LMTK3: variants seen among roughly 807,000 people sequenced by gnomAD.
LMTK3 encodes the protein lemur tail kinase 3, also known as serine/threonine-protein kinase LMTK3.
Under a neutral mutation model 116.7 loss-of-function variants are expected in LMTK3, and 27 were observed. The ratio of observed to expected loss-of-function variants is 0.23; its 90% CI spans 0.17 to 0.32. The LOEUF (loss-of-function observed/expected upper bound fraction) is 0.32. LMTK3 is among the 10% of genes least tolerant of loss of function. LMTK3 has a pLI of 1.00. For synonymous variants in LMTK3, 965 were observed against 971.0 expected (o/e 0.99, Z 0.11); for missense variants, 1,764 against 2,068.5 (o/e 0.85, Z 2.86).
intron 14 of LMTK3, among the ~76,000 whole-genome samples, chr19:48,486,310 C>T (rs1031871621): frequency 2.0e-5 from 3 of 150,938 alleles, no homozygotes; most frequent in African/African-American, 7.4e-5. Context: ...CCACCCGCCT[C>T]GGCCTCCCAA....
rs762737368 is a variant in LMTK3 at position 48,501,432 on chromosome 19, G to A, written c.880-28C>T. ...GAGGGAACCAGGGCGGTGTCAGGCG[G>A]GTCAGGGCACCCCACAGCCCCCATC... On this transcript the variant is annotated intron_variant, in intron 8 of 14. Coordinates refer to ENST00000600059, the MANE Select transcript of LMTK3 (RefSeq NM_001388485.1). 12 of 1,612,652 alleles carry A rather than the reference G, an allele frequency of 7.4e-6. No individual in the cohort carries two copies. The South Asian group carries it at 1.2e-4, about 16-fold the overall frequency.
chr19:48,505,688 C>T (rs1972555795), intron 5 of LMTK3, among the ~76,000 whole-genome samples: 1 of 151,470 alleles, frequency 6.6e-6, no homozygotes, highest in Non-Finnish European at 1.5e-5. Context: ...ATAGTGAAAC[C>T]CTGTCTTTAC....
upstream of LMTK3, among the ~76,000 whole-genome samples, chr19:48,512,927 C>T (rs192258982): frequency 6.6e-6 from 1 of 152,296 alleles, no homozygotes; most frequent in African/African-American, 2.4e-5. Flanking sequence ...CACAGACACA[C>T]AGAGTTGCAC....
At chr19:48,489,987 G>GC (rs746095883) in intron 14 of LMTK3, among the ~76,000 whole-genome samples, 7 of 150,810 alleles carry the variant, frequency 4.6e-5, no homozygotes, top group Non-Finnish European at 1.0e-4. Context: ...GCTGGGACCT[G>GC]CCCGTGTGCC....
In LMTK3 at chr19:48,499,613, G is replaced by A. The variant is rs1849907876; in HGVS notation, c.1456C>T (p.Arg486Cys). The change falls in exon 11 of 15, where the codon CGT (arginine) becomes TGT (cysteine). Residue 486 changes from arginine to cysteine, a missense_variant. By Grantham distance (180) the Arg-to-Cys change is radical. This residue lies in a region of LMTK3 where 1,028 missense variants were observed against 1,050.6 expected (regional missense o/e 0.98). Transcript: ENST00000600059. Reference sequence around the variant, plus strand: ...GCCCCCCCACCCCGGCCGGCCCCACGCCGGGCCTTCTCCCACAGGCACTCG... The same window carrying A: ...GCCCCCCCACCCCGGCCGGCCCCACACCGGGCCTTCTCCCACAGGCACTCG... The part of the protein sequence containing the change: ...NLECLWEKAR[R>C]GAGRGGGAPA... The A allele has an allele frequency of 1.9e-6, 3 of 1,541,242 alleles. No homozygotes were observed. The highest frequency in any genetic ancestry group is 2.6e-6 in the Non-Finnish European group (3 of 1,143,500).
At chr19:48,490,182 C>A (rs1972198004) in intron 14 of LMTK3, among the ~76,000 whole-genome samples, 1 of 152,280 alleles carries the variant, frequency 6.6e-6, no homozygotes, top group Non-Finnish European at 1.5e-5. Context: ...GGGTTTGAAT[C>A]CCAGCTCCTC....
At chr19:48,504,588 C>T (rs1044592151) in intron 5 of LMTK3, among the ~76,000 whole-genome samples, 3 of 152,016 alleles carry the variant, frequency 2.0e-5, no homozygotes, top group Non-Finnish European at 2.9e-5. Context: ...CTTGCTCTTT[C>T]GCCCAGTCTG....
In LMTK3 at chr19:48,501,031, G is replaced by A; in HGVS notation, c.1116C>T (p.Ala372=). 6.5e-7 allele frequency: 1 copy of A among 1,538,352 alleles called. No homozygotes were observed. The highest frequency in any genetic ancestry group is 8.7e-7 in the Non-Finnish European group (1 of 1,144,538). Residue 372 remains alanine (A), a synonymous_variant, in exon 10 of 15, where the codon GCC becomes GCT. Coordinates refer to ENST00000600059, the MANE Select transcript of LMTK3 (RefSeq NM_001388485.1). ...CGTAAGGCAGCTTGAGCCTCGGCCG[G>A]GCCAGCTTCACATGCTGCTGGCGGA... ...FVVRQQHVKL[A]RPRLKLPYAD...
intron 7 of LMTK3, among the ~76,000 whole-genome samples, chr19:48,501,866 A>G (rs1378096276): frequency 2.0e-5 from 1 of 49,550 alleles, no homozygotes. Context: ...TCTCCCAGCC[A>G]CCTCTCCTCA....
Position 48,493,896 on chromosome 19 carries a change from G to A in LMTK3, c.3890C>T (p.Ala1297Val). 2.9e-6 allele frequency: 3 copies of A among 1,038,132 alleles called. No individual in the cohort carries two copies. Among genetic ancestry groups the A allele is most frequent in the Non-Finnish European group, 3.5e-6 (3 of 867,896 alleles). 64.3% of individuals were successfully genotyped at this position (1,038,132 alleles called of 1,614,324 possible). Residue 1297 changes from alanine to valine, a missense_variant, in exon 12 of 15, where the codon GCG becomes GTG. Physicochemically the swap from Ala to Val is moderately conservative, Grantham distance 64. Around this residue, in one of 7 missense-constraint regions of LMTK3, gnomAD observed 281 missense variants for 301.4 expected, o/e 0.93. Coordinates refer to ENST00000600059, the MANE Select transcript of LMTK3 (RefSeq NM_001388485.1). ...CCTCCCGGGGCCCCGCGGCCCCGCC[G>A]CCGCGCCCGGCGCCGCCGCCTCCTC... Reference protein sequence around the residue: ...EDEEAAAPGAAAGPRGPGRAR... With the variant: ...EDEEAAAPGAVAGPRGPGRAR...
chr19:48,485,438 T>G lies in LMTK3; in HGVS notation c.*335A>C. 3.6e-6 allele frequency: 1 copy of G among 278,392 alleles called. No homozygotes were observed. The allele number at this position is 278,392 out of a possible 1,614,324, so 17.2% of individuals were successfully genotyped here. On this transcript the variant is annotated 3_prime_UTR_variant, in exon 15 of 15. Transcript: ENST00000600059. ...GCCCCTGTCTTGGGCCAGGAGTGGG[T>G]GAGGAGGGACCTCCGCTGTGTCGAG...
At position 48,499,589 on chromosome 19, in the gene LMTK3, C is replaced by T; in HGVS notation, c.1480G>A (p.Ala494Thr). 1.3e-6 allele frequency: 2 copies of T among 1,535,096 alleles called. No homozygotes were observed. The highest frequency in any genetic ancestry group is 1.8e-6 in the Non-Finnish European group (2 of 1,141,364). ...ARRGAGRGGGAPAWQPASAPP... is the reference protein window; with the variant it reads ...ARRGAGRGGGTPAWQPASAPP... The stretch of plus-strand genomic sequence containing the variant: ...GCCGACGCCGGCTGCCAGGCAGGTG[C>T]CCCCCCACCCCGGCCGGCCCCACGC... Residue 494 changes from alanine to threonine, a missense_variant, in exon 11 of 15, where the codon GCA (alanine) becomes ACA (threonine). Physicochemically the swap from Ala to Thr is moderately conservative, Grantham distance 58. Transcript: ENST00000600059.
chr19:48,500,960 C>G lies in LMTK3; in HGVS notation c.1151+36G>C. ...TGCTGGGACCATCCTGGGTGGGGTG[C>G]GGCAGGCCAGGAGCCCCGGGTGGGC... On this transcript the variant is annotated intron_variant, in intron 10 of 14. Transcript: ENST00000600059. The surrounding 1 kb of genome is among the most constrained non-coding windows in gnomAD (Gnocchi z 4.0). 2.0e-6 allele frequency: 3 copies of G among 1,468,826 alleles called. No individual in the cohort carries two copies. The highest frequency in any genetic ancestry group is 2.7e-6 in the Non-Finnish European group (3 of 1,111,638). 91.0% of individuals were successfully genotyped at this position (1,468,826 alleles called of 1,614,324 possible).
chr19:48,488,738 CTTTT>C (rs35544294), intron 14 of LMTK3, among the ~76,000 whole-genome samples: 19 of 112,914 alleles, frequency 1.7e-4, no homozygotes, highest in African/African-American at 3.9e-4. Context: ...TTAAATTACA[CTTTT>C]TTTTTTTTTT....
intron 5 of LMTK3, among the ~76,000 whole-genome samples, chr19:48,507,605 T>TTTTA (rs201447909): frequency 1.3e-5 from 2 of 152,180 alleles, no homozygotes; most frequent in African/African-American, 2.4e-5. Flanking sequence ...TTAGCTTACA[T>TTTTA]TTTATTTATT....
Position 48,511,775 on chromosome 19 carries a change from C to A in LMTK3, c.-199G>T. ...CCCTCCCCCTCTTTGAAGGGACAGACGGATGAAGGGATGGAGAGGCGGACA... is the reference window on the plus strand; with the variant it reads ...CCCTCCCCCTCTTTGAAGGGACAGAAGGATGAAGGGATGGAGAGGCGGACA... On this transcript the variant is annotated 5_prime_UTR_variant, in exon 1 of 15. Transcript: ENST00000600059. The A allele has an allele frequency of 7.6e-6, 2 of 262,590 alleles. No individual in the cohort carries two copies. Among genetic ancestry groups the A allele is most frequent in the Non-Finnish European group, 1.4e-5 (2 of 143,506 alleles). 16.3% of individuals were successfully genotyped at this position (262,590 alleles called of 1,614,324 possible). A position where few individuals can be genotyped will look rare whatever the true frequency, so the allele number is the denominator to read the frequency against.
Position 48,500,859 on chromosome 19 carries a change from TG to T in LMTK3, c.1151+136del. 1 of 831,316 alleles carries T rather than the reference TG, an allele frequency of 1.2e-6. No individual in the cohort carries two copies. Among genetic ancestry groups the T allele is most frequent in the Non-Finnish European group, 1.8e-6 (1 of 562,694 alleles). 51.5% of individuals were successfully genotyped at this position (831,316 alleles called of 1,614,324 possible). A position where few individuals can be genotyped will look rare whatever the true frequency, so the allele number is the denominator to read the frequency against. ...AAGTAGCAGATGCTGGCAGAAAGGG[TG>T]GGGACAGCCCCTCTTCACTCTTGAG... On this transcript the variant is annotated intron_variant, in intron 10 of 14. Coordinates refer to ENST00000600059, the MANE Select transcript of LMTK3 (RefSeq NM_001388485.1). The surrounding 1 kb of genome is among the most constrained non-coding windows in gnomAD (Gnocchi z 4.0).
At chr19:48,510,290 A>AATT in intron 2 of LMTK3, 117 bp from the exon 3 acceptor site, 1 of 1,414,544 alleles carries the variant, frequency 7.1e-7, no homozygotes, top group South Asian at 1.3e-5. Context: ...GTCCCAGCCC[A>AATT]ATTTCCATCC....
chr19:48,510,229 A>G, intron 2 of LMTK3, 56 bp from the exon 3 acceptor site: 4 of 1,564,530 alleles, frequency 2.6e-6, no homozygotes, highest in East Asian at 4.5e-5. Flanking sequence ...GAGACACGCC[A>G]TCGTCTTTCT....
Sources: gnomAD v4.1 joint callset for allele counts (sites outside exome capture counted in the v4.1 genomes callset) on GRCh38, gnomAD v4.1.1 for gene constraint, gnomAD v4.1.1 regional missense constraint, Gnocchi (gnomAD v3.1) non-coding constraint, MANE v1.5 for transcripts, NCBI Gene and HGNC (gene_info 2026-07-23, HGNC 2026-07-21) for gene names.